The following PCDHA11 variants were observed in gnomAD, a reference collection of about 807,000 sequenced individuals.
PCDHA11 encodes protocadherin alpha 11.
PCDHA11 carries 61 observed loss-of-function variants against 70.3 expected under a neutral mutation model. The observed-to-expected ratio is 0.87, with a 90% CI of 0.71 to 1.07. The LOEUF (loss-of-function observed/expected upper bound fraction) is 1.07. Among genes scored for constraint, PCDHA11 ranks in the 50% least tolerant of loss-of-function variants. The pLI is 0.00. For synonymous variants in PCDHA11, 633 were observed against 555.1 expected (o/e 1.14, Z -1.97); for missense variants, 1,324 against 1,237.5 (o/e 1.07, Z -1.05).
chr5:140,960,789 T>C (rs1221128371), intron 1 of PCDHA11, among the ~76,000 whole-genome samples: 3 of 152,058 alleles, frequency 2.0e-5, no homozygotes. Context: ...CCAAACAAGG[T>C]TTCTATTAAA....
chr5:140,870,065 C>T lies in PCDHA11; in HGVS notation c.962C>T (p.Ala321Val), dbSNP rs2051628168. The change falls in exon 1 of 4, where the codon GCT (alanine) becomes GTT (valine). Residue 321 changes from alanine to valine, a missense_variant. Physicochemically the swap from Ala to Val is moderately conservative, Grantham distance 64. Coordinates refer to ENST00000398640, the MANE Select transcript of PCDHA11 (RefSeq NM_018902.5). Reference protein sequence around the residue: ...ENKFYKIEVQATDKGTPPMAG... With the variant: ...ENKFYKIEVQVTDKGTPPMAG... ...AAGTTTTATAAAATTGAAGTACAGG[C>T]TACAGATAAGGGGACTCCCCCAATG... 2 of 1,613,794 alleles carry T rather than the reference C, an allele frequency of 1.2e-6. No homozygotes were observed. Among genetic ancestry groups the T allele is most frequent in the Non-Finnish European group, 1.7e-6 (2 of 1,179,866 alleles).
intron 3 of PCDHA11, among the ~76,000 whole-genome samples, chr5:141,001,903 A>G (rs2098043091): frequency 6.6e-6 from 1 of 152,190 alleles, no homozygotes; most frequent in African/African-American, 2.4e-5. Flanking sequence ...GGGCTGTTTG[A>G]AAAAGACTGC....
At chr5:140,871,719 T>C in intron 1 of PCDHA11, 1 of 783,566 alleles carries the variant, frequency 1.3e-6, no homozygotes, top group Non-Finnish European at 1.9e-6. Context: ...CCTATTTCTC[T>C]TAATATTTGG....
chr5:141,006,429 G>C (rs541690957), intron 3 of PCDHA11, among the ~76,000 whole-genome samples: 7 of 152,004 alleles, frequency 4.6e-5, no homozygotes, highest in Non-Finnish European at 1.0e-4. Flanking sequence ...TAGCCAGGAT[G>C]GTCTCAATCT....
Position 140,941,209 on chromosome 5 carries a change from T to TCCTTTCTTTCTTTC in PCDHA11, c.2392-37740_2392-37739insCCTTTCTTTCTTTC, listed in dbSNP as rs59604197. 5.4e-4 allele frequency among the ~76,000 whole-genome samples: 69 copies of TCCTTTCTTTCTTTC among 126,992 alleles called. 1 individual carries two copies. Among genetic ancestry groups the TCCTTTCTTTCTTTC allele is most frequent in the African/African-American group, 2.2e-3 (68 of 31,202 alleles). The allele number at this position is 126,992 out of a possible 152,430, so 83.3% of individuals were successfully genotyped here. On this transcript the variant is annotated intron_variant, in intron 1 of 3. Coordinates refer to ENST00000398640, the MANE Select transcript of PCDHA11 (RefSeq NM_018902.5). ...TCTTTTTTTTTCTTTCTTCCTTTCT[T>TCCTTTCTTTCTTTC]TCTTCCTTTCTTTCTTTCTTTCTTT...
intron 1 of PCDHA11, among the ~76,000 whole-genome samples, chr5:140,918,680 C>T (rs1291001659): frequency 6.6e-6 from 1 of 152,084 alleles, no homozygotes; most frequent in Non-Finnish European, 1.5e-5. Flanking sequence ...GAGGTGAGAC[C>T]TTTCAAACAT....
Position 141,010,391 on chromosome 5 carries a change from C to T in PCDHA11, c.*454C>T, listed in dbSNP as rs976643195. The T allele has an allele frequency of 2.2e-5, 30 of 1,386,642 alleles. No homozygotes were observed. Among genetic ancestry groups the T allele is most frequent in the South Asian group, 2.9e-5 (2 of 68,924 alleles). The allele number at this position is 1,386,642 out of a possible 1,614,324, so 85.9% of individuals were successfully genotyped here. A position where few individuals can be genotyped will look rare whatever the true frequency, so the allele number is the denominator to read the frequency against. The stretch of plus-strand genomic sequence containing the variant: ...TGCGAGTGCCAGATATTGGCTGAGA[C>T]GAGCCAGCTTAGACTAATTGGTACA... On this transcript the variant is annotated 3_prime_UTR_variant, in exon 4 of 4. Transcript: ENST00000398640.
intron 1 of PCDHA11, among the ~76,000 whole-genome samples, chr5:140,890,494 C>A (rs1554184398): frequency 1.3e-5 from 2 of 152,064 alleles, no homozygotes; most frequent in South Asian, 4.1e-4. Context: ...TTTGTCTCAC[C>A]ATTTTTATGT....
chr5:140,952,371 C>T (rs186648472), intron 1 of PCDHA11, among the ~76,000 whole-genome samples: 1 of 151,860 alleles, frequency 6.6e-6, no homozygotes, highest in African/African-American at 2.4e-5. Flanking sequence ...AAGAAATTTC[C>T]TCTGCCAGGT....
At chr5:140,894,414 C>A (rs1554186083) in intron 1 of PCDHA11, among the ~76,000 whole-genome samples, 2 of 151,928 alleles carry the variant, frequency 1.3e-5, no homozygotes, top group African/African-American at 4.8e-5. Flanking sequence ...TCTTTTGTAG[C>A]TAACACTCCT....
chr5:140,873,262 G>A (rs1196053156), intron 1 of PCDHA11, among the ~76,000 whole-genome samples: 2 of 152,136 alleles, frequency 1.3e-5, no homozygotes, highest in Non-Finnish European at 2.9e-5. Context: ...ACTCAAAAGT[G>A]ATTAAACCAT....
At chr5:141,003,432 C>T (rs1175854943) in intron 3 of PCDHA11, among the ~76,000 whole-genome samples, 1 of 152,124 alleles carries the variant, frequency 6.6e-6, no homozygotes, top group African/African-American at 2.4e-5. Context: ...ATGCCTCAGC[C>T]TCCCAAGTAG....
Position 140,883,641 on chromosome 5 carries a change from C to T in PCDHA11, c.2391+12147C>T, listed in dbSNP as rs1427282306. On this transcript the variant is annotated intron_variant, in intron 1 of 3. Coordinates refer to ENST00000398640, the MANE Select transcript of PCDHA11 (RefSeq NM_018902.5). ...GACAACGCGCCGGCGTTCGCGCAGC[C>T]CGAGTACACGGTGTTCGTGAAGGAA... is the stretch of plus-strand genomic sequence containing the variant. 3.7e-6 allele frequency: 6 copies of T among 1,613,840 alleles called. No homozygotes were observed. In the Admixed American group the frequency reaches 6.7e-5, roughly 18 times the overall value.
intron 1 of PCDHA11, among the ~76,000 whole-genome samples, chr5:140,948,380 C>T (rs1554218531): frequency 2.6e-5 from 4 of 151,612 alleles, no homozygotes; most frequent in African/African-American, 4.8e-5. Flanking sequence ...GTTCCTTCCT[C>T]TATTTTCTGA....
At chr5:140,946,059 G>T (rs979423479) in intron 1 of PCDHA11, among the ~76,000 whole-genome samples, 4 of 152,038 alleles carry the variant, frequency 2.6e-5, no homozygotes, top group Non-Finnish European at 4.4e-5. Flanking sequence ...CAGAATGGGA[G>T]AAAATATTTG....
At chr5:140,957,490 G>T (rs921873894) in intron 1 of PCDHA11, among the ~76,000 whole-genome samples, 1 of 152,130 alleles carries the variant, frequency 6.6e-6, no homozygotes, top group South Asian at 2.1e-4. Context: ...CATAGTATAT[G>T]TAGAATTCAG....
chr5:140,909,784 C>T (rs1380024637), intron 1 of PCDHA11, among the ~76,000 whole-genome samples: 1 of 152,154 alleles, frequency 6.6e-6, no homozygotes, highest in African/African-American at 2.4e-5. Context: ...TGGACCCACT[C>T]TAAGTCAGAC....
At chr5:140,991,985 A>G (rs114196704) in intron 3 of PCDHA11, among the ~76,000 whole-genome samples, 1,827 of 150,246 alleles carry the variant, frequency 0.012, 17 homozygotes, top group Non-Finnish European at 0.019. Context: ...TCTGCCTACC[A>G]CCCGGTCTTT....
intron 1 of PCDHA11, among the ~76,000 whole-genome samples, chr5:140,937,621 GAAAA>G (rs1276369305): frequency 1.4e-5 from 2 of 142,038 alleles, no homozygotes; most frequent in Non-Finnish European, 3.1e-5. Context: ...CATCTAAAAA[GAAAA>G]AGAAAGGCAG....
Sources: gnomAD v4.1 joint callset for allele counts (sites outside exome capture counted in the v4.1 genomes callset) on GRCh38, gnomAD v4.1.1 for gene constraint, MANE v1.5 for transcripts, NCBI Gene and HGNC (gene_info 2026-07-23, HGNC 2026-07-21) for gene names.